The following SLC22A5 variants were observed in gnomAD, a reference collection of about 807,000 sequenced individuals.
SLC22A5 encodes the protein solute carrier family 22 member 5.
SLC22A5 carries 44 observed loss-of-function variants against 56.7 expected under a neutral mutation model. The ratio of observed to expected loss-of-function variants is 0.78; its 90% CI spans 0.61 to 1.00. The LOEUF (loss-of-function observed/expected upper bound fraction) is 1.00, where lower values mean the gene tolerates loss of function less well. Ranked by LOEUF, SLC22A5 falls within the 50% of genes least tolerant of loss-of-function variation. SLC22A5 has a pLI of 0.00. For missense variants in SLC22A5, 675 were observed against 723.0 expected, an observed-to-expected ratio of 0.93 and a Z score of 0.76; for synonymous variants, 278 against 292.1, an observed-to-expected ratio of 0.95 and a Z score of 0.49.
In SLC22A5 at chr5:132,384,167, T is replaced by C. The variant is rs1752441594; in HGVS notation, c.518T>C (p.Leu173Pro). The change falls in exon 3 of 10, where the codon CTG becomes CCG. Residue 173 changes from leucine (L) to proline (P), a missense_variant. Leu to Pro is a moderately conservative substitution (Grantham distance 98). Coordinates refer to ENST00000245407, the MANE Select transcript of SLC22A5 (RefSeq NM_003060.4). ...LSDRFGRKNV[L>P]FVTMGMQTGF... ...CCCAGGTTTGGCCGGAAGAATGTGC[T>C]GTTCGTGACCATGGGCATGCAGACA... 6.2e-7 allele frequency: 1 copy of C among 1,614,276 alleles called. No homozygotes were observed. Among genetic ancestry groups the C allele is most frequent in the Non-Finnish European group, 8.5e-7 (1 of 1,180,050 alleles).
chr5:132,385,242 C>G, intron 3 of SLC22A5, 86 bp from the exon 4 acceptor site: 5 of 1,196,436 alleles, frequency 4.2e-6, no homozygotes, highest in Non-Finnish European at 6.2e-6. Flanking sequence ...GTTTTCTTGT[C>G]TGTGTATTCA....
intron 6 of SLC22A5, 138 bp downstream of exon 6, chr5:132,389,159 G>A (rs2126788320): frequency 4.4e-6 from 3 of 680,524 alleles, no homozygotes; most frequent in Admixed American, 4.4e-5. Flanking sequence ...TCTTGTGTTA[G>A]ATGGAAAAAA....
In SLC22A5 at chr5:132,392,560, C is replaced by G. The variant is rs781562637; in HGVS notation, c.1395C>G (p.Val465=). The change falls in exon 8 of 10, where the codon GTC becomes GTG. Residue 465 remains valine, a synonymous_variant. Transcript: ENST00000245407. ...TGGTGAGAAACATGGGTGTGGGAGT[C>G]AGCTCCACAGCATCCCGCCTGGGCA... The part of the protein sequence containing the change: ...PTVVRNMGVG[V]SSTASRLGSI... 3 of 1,614,190 alleles carry G rather than the reference C, an allele frequency of 1.9e-6. No individual in the cohort carries two copies. The African/African-American group carries it at 4.0e-5, about 22-fold the overall frequency.
At chr5:132,380,482 TGAAGG>T (rs1254542935) in intron 2 of SLC22A5, 1 of 151,822 alleles carries the variant, frequency 6.6e-6, no homozygotes, top group East Asian at 1.9e-4. Flanking sequence ...AAGAAAGAAT[TGAAGG>T]GAAGCAAAAG....
chr5:132,374,110 G>T (rs1752047819), intron 1 of SLC22A5, among the ~76,000 whole-genome samples: 1 of 151,942 alleles, frequency 6.6e-6, no homozygotes, highest in African/African-American at 2.4e-5. Context: ...CAGCTACTCG[G>T]GAGGGAGGCT....
intron 1 of SLC22A5, chr5:132,378,144 TCTC>T: frequency 1.9e-6 from 3 of 1,560,828 alleles, no homozygotes; most frequent in Non-Finnish European, 2.6e-6. Context: ...TCTGCCTGTC[TCTC>T]CTCCTCAAAA....
At chr5:132,386,987 C>A in intron 4 of SLC22A5, 38 bp from the exon 5 acceptor site, 1 of 1,612,672 alleles carries the variant, frequency 6.2e-7, no homozygotes, top group Non-Finnish European at 8.5e-7. Context: ...CTGCTGTTGG[C>A]AGGGAGGCCT....
chr5:132,378,661 C>G (rs561761113), intron 2 of SLC22A5, 180 bp downstream of exon 2: 2 of 626,272 alleles, frequency 3.2e-6, no homozygotes, highest in African/African-American at 3.7e-5. Flanking sequence ...AAATCTGACT[C>G]CGTAATTCTT....
chr5:132,392,971 TA>T (rs1752758554), intron 8 of SLC22A5, among the ~76,000 whole-genome samples: 1 of 152,234 alleles, frequency 6.6e-6, no homozygotes, highest in Non-Finnish European at 1.5e-5. Flanking sequence ...AATCAGAGTT[TA>T]AAAGGAACAT....
chr5:132,379,319 A>G (rs274566), intron 2 of SLC22A5: 61,588 of 151,896 alleles, frequency 0.41, 13,041 homozygotes, highest in East Asian at 0.67. Context: ...TGGCCACATG[A>G]CACATGTGAG....
chr5:132,386,822 G>A (rs114202212), intron 4 of SLC22A5, among the ~76,000 whole-genome samples: 51 of 152,324 alleles, frequency 3.3e-4, no homozygotes, highest in African/African-American at 1.1e-3. Context: ...TCCCATTTTT[G>A]TGCGGTGTGG....
In SLC22A5 at chr5:132,378,419, A is replaced by C. The variant is rs1752226152; in HGVS notation, c.435A>C (p.Thr145=). 1 of 1,614,214 alleles carries C rather than the reference A, an allele frequency of 6.2e-7. No homozygotes were observed. The highest frequency in any genetic ancestry group is 8.5e-7 in the Non-Finnish European group (1 of 1,180,046). ...AGGACGACTGGAAGGCCCCACTCAC[A>C]ATCTCCTTGTTCTTCGTGGGTGTGC... ...VCEDDWKAPL[T]ISLFFVGVLL... The change falls in exon 2 of 10, where the codon ACA becomes ACC. Residue 145 remains threonine, a synonymous_variant. Coordinates refer to ENST00000245407, the MANE Select transcript of SLC22A5 (RefSeq NM_003060.4).
At position 132,387,166 on chromosome 5, in the gene SLC22A5, G is replaced by C. The variant is rs750930969; in HGVS notation, c.951+15G>C. The C allele has an allele frequency of 2.5e-5, 41 of 1,614,032 alleles. No homozygotes were observed. In the South Asian group the frequency reaches 4.5e-4, roughly 18 times the overall value. Reference sequence around the variant, plus strand: ...ACCCGAGTGAGGTAAGCACCATGTGGGTGTGGGTGAGAGGGACAGACTGAC... The same window carrying C: ...ACCCGAGTGAGGTAAGCACCATGTGCGTGTGGGTGAGAGGGACAGACTGAC... On this transcript the variant is annotated intron_variant, in intron 5 of 9. Coordinates refer to ENST00000245407, the MANE Select transcript of SLC22A5 (RefSeq NM_003060.4).
rs754265674 is a variant in SLC22A5, at chr5:132,392,526, A to T, written c.1361A>T (p.Tyr454Phe). 2 of 1,614,054 alleles carry T rather than the reference A, an allele frequency of 1.2e-6. No homozygotes were observed. The highest frequency in any genetic ancestry group is 1.7e-6 in the Non-Finnish European group (2 of 1,179,918). ...GTCTACGTGTACACAGCCGAGCTGTATCCCACAGTGGTGAGAAACATGGGT... is the reference window on the plus strand; with the variant it reads ...GTCTACGTGTACACAGCCGAGCTGTTTCCCACAGTGGTGAGAAACATGGGT... The part of the protein sequence containing the change: ...SMVYVYTAEL[Y>F]PTVVRNMGVG... The change falls in exon 8 of 10, where the codon TAT becomes TTT. Residue 454 changes from tyrosine to phenylalanine, a missense_variant. Physicochemically the swap from Tyr to Phe is conservative, Grantham distance 22. Transcript: ENST00000245407.
intron 8 of SLC22A5, among the ~76,000 whole-genome samples, chr5:132,393,071 A>G (rs893847258): frequency 6.6e-6 from 1 of 152,162 alleles, no homozygotes; most frequent in African/African-American, 2.4e-5. Flanking sequence ...TTGTGTGAAG[A>G]TCCACCCCAT....
rs1224278173 is a variant in SLC22A5, at chr5:132,390,875, T to G, written c.1238T>G (p.Val413Gly). Residue 413 changes from valine to glycine, a missense_variant, in exon 7 of 10, where the codon GTC (valine) becomes GGC (glycine). Val to Gly is a moderately radical substitution (Grantham distance 109). Coordinates refer to ENST00000245407, the MANE Select transcript of SLC22A5 (RefSeq NM_003060.4). Reference sequence around the variant, plus strand: ...ACTGCCCTCTTCCTGGGTGGCAGTGTCCTTCTCTTCATGCAGCTGGTACCC... The same window carrying G: ...ACTGCCCTCTTCCTGGGTGGCAGTGGCCTTCTCTTCATGCAGCTGGTACCC... ...MATALFLGGS[V>G]LLFMQLVPPD... is the part of the protein sequence containing the mutation. The G allele has an allele frequency of 3.1e-6, 5 of 1,614,072 alleles. No individual in the cohort carries two copies. The Admixed American group carries it at 8.3e-5, about 27-fold the overall frequency.
Position 132,388,983 on chromosome 5 carries a change from GA to G in SLC22A5, c.1016del (p.Asn339IlefsTer10). 1.9e-6 allele frequency: 3 copies of G among 1,613,886 alleles called. No homozygotes were observed. The highest frequency in any genetic ancestry group is 2.5e-6 in the Non-Finnish European group (3 of 1,179,792). On this transcript the variant is annotated frameshift_variant, in exon 6 of 10. Transcript: ENST00000245407. LOFTEE classifies it high-confidence loss of function. ...HNILDLLRTW[N>X]IRMVTIMSIM... ...ACATTCTGGATCTGCTTCGAACCTG[GA>G]ATATCCGGATGGTCACCATCATGTC... is the stretch of plus-strand genomic sequence containing the variant.
At chr5:132,378,066 G>C (rs1454863669) in intron 1 of SLC22A5, 4 of 1,525,548 alleles carry the variant, frequency 2.6e-6, no homozygotes, top group South Asian at 2.5e-5. Flanking sequence ...GCTCCGCTCA[G>C]ATTTTTAGGA....
rs1752830180 is a variant in SLC22A5, at chr5:132,395,062, G to A, written c.*790G>A. The A allele has an allele frequency of 6.6e-6, 1 of 152,350 alleles. No individual in the cohort carries two copies. The highest frequency in any genetic ancestry group is 1.5e-5 in the Non-Finnish European group (1 of 68,044). The allele number at this position is 152,350 out of a possible 1,614,324, so 9.4% of individuals were successfully genotyped here. A position where few individuals can be genotyped will look rare whatever the true frequency, so the allele number is the denominator to read the frequency against. ...TTTAAAGGAAATTTATCAGGTGAGA[G>A]AGATGAGCAACGTTGTCTTTTCTCT... On this transcript the variant is annotated 3_prime_UTR_variant, in exon 10 of 10. Coordinates refer to ENST00000245407, the MANE Select transcript of SLC22A5 (RefSeq NM_003060.4).
Sources: allele counts gnomAD v4.1 joint callset (sites outside exome capture counted in the v4.1 genomes callset), GRCh38; gene constraint gnomAD v4.1.1; transcripts MANE v1.5; gene names NCBI Gene and HGNC (gene_info 2026-07-23, HGNC 2026-07-21).